Variants in RARS2 observed in about 807,000 individuals in gnomAD.
RARS2 encodes arginyl-tRNA synthetase 2, mitochondrial.
A neutral mutation model predicts 88.5 loss-of-function variants in RARS2; 67 were observed. That is an observed-to-expected ratio of 0.76 (90% CI 0.62 to 0.93). RARS2 has a LOEUF of 0.93. RARS2 is among the 40% of genes least tolerant of loss of function. The pLI is 0.00. For synonymous variants in RARS2, 239 were observed against 230.3 expected (o/e 1.04, Z -0.34); for missense variants, 664 against 684.2 (o/e 0.97, Z 0.33).
At chr6:87,566,310 T>C (rs1341914116) in intron 2 of RARS2, among the ~76,000 whole-genome samples, 2 of 152,204 alleles carry the variant, frequency 1.3e-5, no homozygotes, top group African/African-American at 4.8e-5. Flanking sequence ...GCTATGTCTT[T>C]TTAAACGCTA....
At chr6:87,534,189 AAATTG>A (rs1269893974) in intron 8 of RARS2, among the ~76,000 whole-genome samples, 2 of 152,234 alleles carry the variant, frequency 1.3e-5, no homozygotes, top group Non-Finnish European at 2.9e-5. Flanking sequence ...TATATAATTA[AAATTG>A]AATGTATCAA....
chr6:87,569,656 C>A, intron 1 of RARS2, 66 bp from the exon 2 acceptor site: 1 of 1,224,632 alleles, frequency 8.2e-7, no homozygotes, highest in African/African-American at 1.5e-5. Context: ...AATGGAATAC[C>A]ACTTGTAAGA....
At chr6:87,561,062 AGAG>A (rs1321110138) in intron 4 of RARS2, among the ~76,000 whole-genome samples, 1 of 152,248 alleles carries the variant, frequency 6.6e-6, no homozygotes, top group Admixed American at 6.5e-5. Flanking sequence ...TCATTATTTT[AGAG>A]TATTATCCTA....
rs200523097 is a variant in RARS2, at chr6:87,554,494, G to C, written c.395+914C>G. Among the ~76,000 whole-genome samples the C allele has an allele frequency of 1.9e-4, 29 of 152,248 alleles. No homozygotes were observed. The East Asian group carries it at 5.4e-3, about 28-fold the overall frequency. On this transcript the variant is annotated intron_variant, in intron 5 of 19. Transcript: ENST00000369536. ...TTTTTTTGACACAGGGTCTTGGTGT[G>C]TCTTACCAGAGCTAGAGTGCATGAC...
chr6:87,581,937 C>A (rs1026165725), intron 1 of RARS2, among the ~76,000 whole-genome samples: 4 of 152,154 alleles, frequency 2.6e-5, no homozygotes, highest in African/African-American at 9.7e-5. Context: ...TGATCTCGTT[C>A]CTTTTTACGG....
intron 4 of RARS2, among the ~76,000 whole-genome samples, chr6:87,555,851 G>A (rs1692869234): frequency 6.6e-6 from 1 of 152,170 alleles, no homozygotes; most frequent in Non-Finnish European, 1.5e-5. Context: ...AACAAAACCA[G>A]AAGCACCATT....
Position 87,564,228 on chromosome 6 carries a change from C to T in RARS2, c.115G>A (p.Val39Ile). 1 of 1,605,838 alleles carries T rather than the reference C, an allele frequency of 6.2e-7. No homozygotes were observed. Among genetic ancestry groups the T allele is most frequent in the Non-Finnish European group, 8.5e-7 (1 of 1,172,702 alleles). Reference protein sequence around the residue: ...SAVPISQKEEVADFQLSVDSL... With the variant: ...SAVPISQKEEIADFQLSVDSL... Reference sequence around the variant, plus strand: ...TCCACAGAAAGCTGAAAATCAGCTACTTCTCTAAAGACAGACATCGAAACG... The same window carrying T: ...TCCACAGAAAGCTGAAAATCAGCTATTTCTCTAAAGACAGACATCGAAACG... The change falls in exon 3 of 20, where the codon GTA (valine) becomes ATA (isoleucine). Residue 39 changes from valine to isoleucine, a missense_variant. Val to Ile is a conservative substitution (Grantham distance 29). Transcript: ENST00000369536.
intron 1 of RARS2, among the ~76,000 whole-genome samples, chr6:87,580,441 A>C (rs2128219009): frequency 6.6e-6 from 1 of 152,114 alleles, no homozygotes; most frequent in African/African-American, 2.4e-5. Context: ...AGTAAACTAA[A>C]CAACACATTG....
intron 1 of RARS2, among the ~76,000 whole-genome samples, chr6:87,571,306 T>G (rs976868752): frequency 6.6e-6 from 1 of 152,190 alleles, no homozygotes; most frequent in Non-Finnish European, 1.5e-5. Flanking sequence ...CTTCCCCTTC[T>G]GCAACGATTG....
At chr6:87,552,811 A>G (rs1172687274) in intron 5 of RARS2, among the ~76,000 whole-genome samples, 1 of 152,130 alleles carries the variant, frequency 6.6e-6, no homozygotes, top group Non-Finnish European at 1.5e-5. Context: ...AAATTTTAGG[A>G]AACTTTATAA....
At chr6:87,570,802 C>T (rs1769432394) in intron 1 of RARS2, among the ~76,000 whole-genome samples, 1 of 152,152 alleles carries the variant, frequency 6.6e-6, no homozygotes, top group African/African-American at 2.4e-5. Flanking sequence ...AACCTCCCAC[C>T]TCCGCCCCTC....
intron 8 of RARS2, 86 bp from the exon 9 acceptor site, chr6:87,531,028 T>A: frequency 6.3e-7 from 1 of 1,577,506 alleles, no homozygotes; most frequent in South Asian, 1.1e-5. Flanking sequence ...AAGCACATTC[T>A]GAGAATTCTC....
At chr6:87,538,266 T>C (rs1311680406) in intron 8 of RARS2, among the ~76,000 whole-genome samples, 1 of 152,214 alleles carries the variant, frequency 6.6e-6, no homozygotes, top group Non-Finnish European at 1.5e-5. Flanking sequence ...TTGCCTTCTT[T>C]TGTCTTTAAA....
chr6:87,523,641 G>T (rs966391015), intron 11 of RARS2, among the ~76,000 whole-genome samples: 2 of 152,024 alleles, frequency 1.3e-5, no homozygotes, highest in Admixed American at 1.3e-4. Context: ...TTTTCTGACG[G>T]GATGTTTCTT....
chr6:87,520,149 CACAG>C (rs746470100), intron 13 of RARS2, 27 bp downstream of exon 13: 12 of 1,579,408 alleles, frequency 7.6e-6, no homozygotes, highest in Non-Finnish European at 1.0e-5. Flanking sequence ...GCTGACCCTG[CACAG>C]ACAATTAAGA....
intron 4 of RARS2, among the ~76,000 whole-genome samples, chr6:87,559,779 G>A (rs1787276599): frequency 6.6e-6 from 1 of 152,120 alleles, no homozygotes; most frequent in African/African-American, 2.4e-5. Flanking sequence ...GTAGTGTAAT[G>A]TCCTAGGCCT....
At chr6:87,551,113 G>T (rs1419940659) in intron 5 of RARS2, among the ~76,000 whole-genome samples, 2 of 152,042 alleles carry the variant, frequency 1.3e-5, no homozygotes, top group African/African-American at 4.8e-5. Context: ...AATCTATCCA[G>T]GTCTTCAAGT....
intron 11 of RARS2, among the ~76,000 whole-genome samples, chr6:87,524,219 TCA>T (rs1344654755): frequency 6.6e-6 from 1 of 152,132 alleles, no homozygotes; most frequent in Non-Finnish European, 1.5e-5. Flanking sequence ...CAAAGGTCAG[TCA>T]CAGAGATGGA....
intron 14 of RARS2, 107 bp downstream of exon 14, chr6:87,519,476 G>A: frequency 7.9e-7 from 1 of 1,272,080 alleles, no homozygotes; most frequent in Non-Finnish European, 1.1e-6. Flanking sequence ...CAAAGTTAGT[G>A]ACACTTCAAT....
Sources: allele counts gnomAD v4.1 joint callset (sites outside exome capture counted in the v4.1 genomes callset), GRCh38; gene constraint gnomAD v4.1.1; transcripts MANE v1.5; gene names NCBI Gene and HGNC (gene_info 2026-07-23, HGNC 2026-07-21).